The following TASP1 variants were observed in gnomAD, a reference collection of about 807,000 sequenced individuals.
TASP1 encodes threonine aspartase 1.
Under a neutral mutation model 56.6 loss-of-function variants are expected in TASP1, and 16 were observed. That is an observed-to-expected ratio of 0.28 (90% CI 0.19 to 0.43). The LOEUF (loss-of-function observed/expected upper bound fraction) is 0.43, where lower values mean the gene tolerates loss of function less well. TASP1 is among the 20% of genes least tolerant of loss of function. The pLI, the probability that TASP1 is intolerant of heterozygous loss-of-function variation, is 1.00. For missense variants in TASP1, 393 were observed against 511.6 expected, an observed-to-expected ratio of 0.77 and a Z score of 2.24; for synonymous variants, 179 against 184.2, an observed-to-expected ratio of 0.97 and a Z score of 0.23.
At chr20:13,613,620 T>C (rs994540734) in intron 4 of TASP1, among the ~76,000 whole-genome samples, 6 of 152,132 alleles carry the variant, frequency 3.9e-5, no homozygotes, top group African/African-American at 1.2e-4. Flanking sequence ...AGACTTATTC[T>C]TAGTCACATA....
the TASP1 span, chr20:13,110,086 A>T: frequency 2.2e-5 from 26 of 1,184,364 alleles, no homozygotes; most frequent in Middle Eastern, 2.1e-4. Context: ...TCATGACTCA[A>T]TTTTTTTTTT....
intron 1 of TASP1, among the ~76,000 whole-genome samples, chr20:13,636,073 C>A (rs1009510768): frequency 6.6e-6 from 1 of 150,768 alleles, no homozygotes; most frequent in African/African-American, 2.4e-5. Flanking sequence ...CATCTTACAG[C>A]AAAGGGCTTT....
chr20:13,624,427 T>C (rs562584118), intron 3 of TASP1, among the ~76,000 whole-genome samples: 1 of 152,250 alleles, frequency 6.6e-6, no homozygotes, highest in Non-Finnish European at 1.5e-5. Flanking sequence ...CAAAATATTC[T>C]TATTTATAGG....
At chr20:13,372,566 TA>T in the TASP1 span, among the ~76,000 whole-genome samples, 1 of 151,410 alleles carries the variant, frequency 6.6e-6, no homozygotes, top group Non-Finnish European at 1.5e-5. Flanking sequence ...TATATATACA[TA>T]TATATGTATG....
At chr20:13,554,644 C>A (rs557446105) in intron 8 of TASP1, among the ~76,000 whole-genome samples, 2 of 151,762 alleles carry the variant, frequency 1.3e-5, no homozygotes, top group African/African-American at 4.8e-5. Context: ...GCAAATATTA[C>A]AATAAAGTGA....
chr20:13,289,033 G>C, the TASP1 span, among the ~76,000 whole-genome samples: 1 of 152,068 alleles, frequency 6.6e-6, no homozygotes, highest in Non-Finnish European at 1.5e-5. Context: ...TGATCCGCCC[G>C]CCTCAGCCTC....
chr20:13,287,541 C>T, the TASP1 span, among the ~76,000 whole-genome samples: 2 of 152,292 alleles, frequency 1.3e-5, no homozygotes, highest in South Asian at 4.1e-4. Context: ...CCTACTTTTC[C>T]TTTTTGCACA....
At chr20:13,624,663 C>T (rs1748402275) in intron 3 of TASP1, among the ~76,000 whole-genome samples, 1 of 152,086 alleles carries the variant, frequency 6.6e-6, no homozygotes, top group Admixed American at 6.6e-5. Flanking sequence ...CCTGTCCCCA[C>T]ATTAAATATT....
chr20:13,609,187 T>C (rs2048261649), intron 4 of TASP1, among the ~76,000 whole-genome samples: 1 of 152,132 alleles, frequency 6.6e-6, no homozygotes, highest in Non-Finnish European at 1.5e-5. Flanking sequence ...ACAGGAACAT[T>C]AATATATCCA....
At chr20:13,436,247 A>G (rs1365644514) in intron 11 of TASP1, among the ~76,000 whole-genome samples, 3 of 152,158 alleles carry the variant, frequency 2.0e-5, no homozygotes, top group African/African-American at 4.8e-5. Flanking sequence ...AGAGGATAAA[A>G]GATGGTAGGT....
the TASP1 span, among the ~76,000 whole-genome samples, chr20:13,170,618 C>G: frequency 6.6e-6 from 1 of 152,156 alleles, no homozygotes; most frequent in African/African-American, 2.4e-5. Context: ...AACAGCGCTC[C>G]CTTTTATTCA....
chr20:13,286,591 C>T, the TASP1 span, among the ~76,000 whole-genome samples: 1 of 152,030 alleles, frequency 6.6e-6, no homozygotes, highest in African/African-American at 2.4e-5. Context: ...CCTCGGGGGG[C>T]AGATAAGATG....
rs2070307 is a variant in TASP1 at position 13,625,256 on chromosome 20, A to T, written c.146-4T>A. 0.25 allele frequency: 403,906 copies of T among 1,598,360 alleles called. 57,612 individuals are homozygous for T. Among genetic ancestry groups the T allele is most frequent in the African/African-American group, 0.64 (47,410 of 74,018 alleles). On this transcript the variant is annotated splice_polypyrimidine_tract_variant and splice_region_variant and intron_variant, in intron 2 of 13. Coordinates refer to ENST00000337743, the MANE Select transcript of TASP1 (RefSeq NM_017714.3). ...GATTCAGAATGATAACCTGCACCTA[A>T]AGTAGAAAATAAAATCCAGTTAATT...
chr20:13,315,321 C>T, the TASP1 span, among the ~76,000 whole-genome samples: 1 of 151,902 alleles, frequency 6.6e-6, no homozygotes, highest in African/African-American at 2.4e-5. Context: ...AAATATAAGG[C>T]CACGTAGAAA....
intron 11 of TASP1, among the ~76,000 whole-genome samples, chr20:13,444,651 T>C (rs1489862789): frequency 6.6e-6 from 1 of 152,182 alleles, no homozygotes; most frequent in Non-Finnish European, 1.5e-5. Context: ...CAAGATTGTC[T>C]CCATCGTCCT....
intron 4 of TASP1, among the ~76,000 whole-genome samples, chr20:13,621,745 T>G (rs1348880493): frequency 6.6e-6 from 1 of 152,146 alleles, no homozygotes; most frequent in East Asian, 1.9e-4. Context: ...ATAGTAAACA[T>G]GATATATAAG....
intron 4 of TASP1, among the ~76,000 whole-genome samples, chr20:13,607,120 T>C (rs1255475011): frequency 6.6e-6 from 1 of 152,188 alleles, no homozygotes; most frequent in Non-Finnish European, 1.5e-5. Flanking sequence ...TTTCTGTTTC[T>C]AAAAAATGGA....
the TASP1 span, among the ~76,000 whole-genome samples, chr20:13,215,467 G>A: frequency 1.3e-5 from 2 of 152,164 alleles, no homozygotes; most frequent in Non-Finnish European, 2.9e-5. Context: ...GCAATAAAGG[G>A]GTCTCTTTTC....
At chr20:13,459,733 A>G (rs897237241) in intron 11 of TASP1, among the ~76,000 whole-genome samples, 1 of 152,024 alleles carries the variant, frequency 6.6e-6, no homozygotes, top group Non-Finnish European at 1.5e-5. Flanking sequence ...AACTTTCATC[A>G]GCCCCCACCA....
Sources: gnomAD v4.1 joint callset for allele counts (sites outside exome capture counted in the v4.1 genomes callset) on GRCh38, gnomAD v4.1.1 for gene constraint, MANE v1.5 for transcripts, NCBI Gene and HGNC (gene_info 2026-07-23, HGNC 2026-07-21) for gene names.